The following NXPH1 variants were observed in gnomAD, a reference collection of about 807,000 sequenced individuals.
NXPH1 encodes the protein neurexophilin-1.
Under a neutral mutation model 23.7 loss-of-function variants are expected in NXPH1, and 5 were observed. That is an observed-to-expected ratio of 0.21 (90% confidence interval 0.11 to 0.44). The LOEUF (loss-of-function observed/expected upper bound fraction) is 0.44. Ranked by LOEUF, NXPH1 falls within the 20% of genes least tolerant of loss-of-function variation. NXPH1 has a pLI of 0.99. For missense variants in NXPH1, 324 were observed against 321.6 expected (o/e 1.01, Z -0.06); for synonymous variants, 144 against 122.2 (o/e 1.18, Z -1.18).
At chr7:8,454,000 A>C (rs960562113) in intron 2 of NXPH1, among the ~76,000 whole-genome samples, 6 of 152,128 alleles carry the variant, frequency 3.9e-5, no homozygotes, top group African/African-American at 1.4e-4. Flanking sequence ...CAGAAAACCA[A>C]ATACTACATG....
chr7:8,749,863 TC>T (rs1391612876), intron 2 of NXPH1, among the ~76,000 whole-genome samples: 28 of 152,166 alleles, frequency 1.8e-4, no homozygotes, highest in African/African-American at 5.5e-4. Context: ...CCTTGATTCT[TC>T]CATGTCAGGA....
chr7:8,598,696 A>G (rs1444389629), intron 2 of NXPH1, among the ~76,000 whole-genome samples: 1 of 152,194 alleles, frequency 6.6e-6, no homozygotes, highest in African/African-American at 2.4e-5. Context: ...GATAAAATGT[A>G]CTTGTATCTC....
chr7:8,552,114 C>CAAAAAAAAAAAAAAAAAAAAAAAAA (rs34390317), intron 2 of NXPH1, among the ~76,000 whole-genome samples: 2 of 61,748 alleles, frequency 3.2e-5, no homozygotes, highest in Non-Finnish European at 6.7e-5. Context: ...GAAAAAAAAC[C>CAAAAAAAAAAAAAAAAAAAAAAAAA]AAAAAAAAAA....
At chr7:8,671,787 T>C (rs982617197) in intron 2 of NXPH1, among the ~76,000 whole-genome samples, 1 of 152,196 alleles carries the variant, frequency 6.6e-6, no homozygotes. Flanking sequence ...AATGAAATAA[T>C]AAGTGTAAAC....
chr7:8,495,774 G>T (rs62448060), intron 2 of NXPH1, among the ~76,000 whole-genome samples: 11,367 of 152,074 alleles, frequency 0.075, 473 homozygotes, highest in Non-Finnish European at 0.089. Context: ...TTGCATGTGG[G>T]AGAAAGACTT....
chr7:8,481,057 T>C (rs984785279), intron 2 of NXPH1, among the ~76,000 whole-genome samples: 13 of 152,200 alleles, frequency 8.5e-5, no homozygotes, highest in Admixed American at 5.2e-4. Context: ...TACTATATTG[T>C]GTTCAATGTC....
At chr7:8,576,457 G>A (rs113862593) in intron 2 of NXPH1, among the ~76,000 whole-genome samples, 11 of 152,260 alleles carry the variant, frequency 7.2e-5, no homozygotes, top group South Asian at 6.2e-4. Context: ...CTACTGAAGC[G>A]CAAGGAAACC....
intron 2 of NXPH1, among the ~76,000 whole-genome samples, chr7:8,541,878 A>T (rs1818122963): frequency 1.3e-5 from 2 of 151,686 alleles, no homozygotes; most frequent in Admixed American, 1.3e-4. Context: ...AACAGAGAGG[A>T]TAAAATGGAG....
intron 2 of NXPH1, among the ~76,000 whole-genome samples, chr7:8,649,457 C>T (rs1022377289): frequency 1.3e-5 from 2 of 152,162 alleles, no homozygotes; most frequent in African/African-American, 4.8e-5. Context: ...TGCATATACA[C>T]ACACAATTAT....
intron 2 of NXPH1, among the ~76,000 whole-genome samples, chr7:8,497,186 T>C (rs946942359): frequency 2.6e-5 from 4 of 152,180 alleles, no homozygotes; most frequent in Non-Finnish European, 1.5e-5. Flanking sequence ...ACAAAGAACA[T>C]GAACTCATCC....
At chr7:8,536,613 A>AG (rs1818030499) in intron 2 of NXPH1, among the ~76,000 whole-genome samples, 1 of 151,686 alleles carries the variant, frequency 6.6e-6, no homozygotes, top group Non-Finnish European at 1.5e-5. Context: ...TAGACTTAAA[A>AG]AAAGGAAGTG....
At chr7:8,590,949 T>C (rs1045684694) in intron 2 of NXPH1, among the ~76,000 whole-genome samples, 1 of 152,098 alleles carries the variant, frequency 6.6e-6, no homozygotes, top group Non-Finnish European at 1.5e-5. Flanking sequence ...GCTATTAGGC[T>C]ACTCTTCAAT....
chr7:8,691,355 G>T (rs985311354), intron 2 of NXPH1, among the ~76,000 whole-genome samples: 3 of 151,988 alleles, frequency 2.0e-5, no homozygotes, highest in African/African-American at 7.3e-5. Flanking sequence ...CTTCAGGTTT[G>T]TCAGGCTGCT....
At chr7:8,445,022 G>A (rs7805398) in intron 2 of NXPH1, among the ~76,000 whole-genome samples, 1 of 152,036 alleles carries the variant, frequency 6.6e-6, no homozygotes, top group Admixed American at 6.5e-5. Flanking sequence ...TGTAGGGCAT[G>A]ATTTCCTCCC....
chr7:8,546,665 T>G (rs1240308691), intron 2 of NXPH1, among the ~76,000 whole-genome samples: 1 of 151,408 alleles, frequency 6.6e-6, no homozygotes, highest in Non-Finnish European at 1.5e-5. Flanking sequence ...GACAAATATT[T>G]TGCCTATTTG....
rs1562472996 is a variant in NXPH1, at chr7:8,745,593, GC to G, written c.55-5413del. On this transcript the variant is annotated intron_variant, in intron 2 of 2. Transcript: ENST00000405863. ...CCCCGAAACAGAGTCTTGCTCTGTC[GC>G]CAGGCTGGAGTGCAGTGGTGCAATC... Among the ~76,000 whole-genome samples, 5 of 151,850 alleles carry G rather than the reference GC, an allele frequency of 3.3e-5. No individual in the cohort carries two copies. The East Asian group carries it at 7.7e-4, about 23-fold the overall frequency.
intron 2 of NXPH1, among the ~76,000 whole-genome samples, chr7:8,702,039 GAAAA>G (rs57766744): frequency 5.6e-5 from 8 of 142,898 alleles, no homozygotes; most frequent in African/African-American, 2.1e-4. Flanking sequence ...CCCAATTAAA[GAAAA>G]AAAAAAAAGC....
chr7:8,650,202 G>T (rs1353229672), intron 2 of NXPH1, among the ~76,000 whole-genome samples: 1 of 152,148 alleles, frequency 6.6e-6, no homozygotes, highest in Admixed American at 6.5e-5. Flanking sequence ...AGCATGATTT[G>T]AGATTAAAAT....
At chr7:8,671,192 A>T (rs1008728310) in intron 2 of NXPH1, among the ~76,000 whole-genome samples, 5 of 152,224 alleles carry the variant, frequency 3.3e-5, no homozygotes, top group Admixed American at 2.0e-4. Flanking sequence ...GCTTAAATGA[A>T]CAGTTTTATT....
Sources: allele counts gnomAD v4.1 joint callset (sites outside exome capture counted in the v4.1 genomes callset), GRCh38; gene constraint gnomAD v4.1.1; transcripts MANE v1.5; gene names NCBI Gene and HGNC (gene_info 2026-07-23, HGNC 2026-07-21).